Variants in DPP10 observed in about 807,000 individuals in gnomAD.
DPP10 encodes the protein dipeptidyl peptidase like 10.
Under a neutral mutation model 120.9 loss-of-function variants are expected in DPP10, and 33 were observed. The observed-to-expected ratio is 0.27, with a 90% CI of 0.21 to 0.37. DPP10 has a LOEUF of 0.37. Among genes scored for constraint, DPP10 ranks in the 10% least tolerant of loss-of-function variants. The pLI is 1.00. For missense variants in DPP10, 816 were observed against 942.8 expected, an observed-to-expected ratio of 0.87 and a Z score of 1.76; for synonymous variants, 337 against 326.1, an observed-to-expected ratio of 1.03 and a Z score of -0.36.
intron 1 of DPP10, among the ~76,000 whole-genome samples, chr2:115,208,060 C>G (rs1252221219): frequency 6.6e-6 from 1 of 152,026 alleles, no homozygotes; most frequent in African/African-American, 2.4e-5. Flanking sequence ...TAATCTAAGC[C>G]CATTGTCCAA....
intron 1 of DPP10, among the ~76,000 whole-genome samples, chr2:114,601,302 T>C (rs1692347718): frequency 6.6e-6 from 1 of 151,920 alleles, no homozygotes; most frequent in African/African-American, 2.4e-5. Context: ...TGAACAACCT[T>C]TGCTTTCTGA....
rs10469817 is a variant in DPP10 at position 114,980,227 on chromosome 2, T to G, written c.61-329012T>G. The stretch of plus-strand genomic sequence containing the variant: ...TGATTCCTCAATCAGACAGCCTATA[T>G]GTGAGGACAGTGATGTGAATATAAT... On this transcript the variant is annotated intron_variant, in intron 1 of 25. Coordinates refer to ENST00000410059, the MANE Select transcript of DPP10 (RefSeq NM_020868.6). Among the ~76,000 whole-genome samples, 908 of 152,268 alleles carry G rather than the reference T, an allele frequency of 6.0e-3. 11 individuals are homozygous for G. Among genetic ancestry groups the G allele is most frequent in the African/African-American group, 0.021 (860 of 41,564 alleles).
chr2:114,704,482 C>G (rs1161503758), intron 1 of DPP10, among the ~76,000 whole-genome samples: 1 of 152,162 alleles, frequency 6.6e-6, no homozygotes. Flanking sequence ...ATTTGATTGA[C>G]AGATGCAAGT....
At chr2:114,799,678 G>A (rs1168620810) in intron 1 of DPP10, among the ~76,000 whole-genome samples, 1 of 152,156 alleles carries the variant, frequency 6.6e-6, no homozygotes, top group Non-Finnish European at 1.5e-5. Context: ...ACTAGTTTTT[G>A]TTTTTACACA....
intron 1 of DPP10, among the ~76,000 whole-genome samples, chr2:115,176,097 C>G (rs573399664): frequency 1.2e-4 from 18 of 152,160 alleles, no homozygotes; most frequent in African/African-American, 4.1e-4. Context: ...CAGGCTGACA[C>G]TTGTCCTAGA....
intron 7 of DPP10, among the ~76,000 whole-genome samples, chr2:115,707,012 C>T (rs926748547): frequency 6.6e-6 from 1 of 151,918 alleles, no homozygotes; most frequent in Non-Finnish European, 1.5e-5. Flanking sequence ...TTTTATGTTA[C>T]ATTAATCAGC....
At chr2:114,442,932 C>A in intron 1 of DPP10, 94 bp downstream of exon 1, 1 of 1,458,634 alleles carries the variant, frequency 6.9e-7, no homozygotes, top group Non-Finnish European at 9.5e-7. Flanking sequence ...TGACAGTGGA[C>A]ATACCTACTT....
At chr2:115,755,090 C>A (rs1215577213) in intron 11 of DPP10, among the ~76,000 whole-genome samples, 4 of 152,008 alleles carry the variant, frequency 2.6e-5, no homozygotes, top group Non-Finnish European at 5.9e-5. Flanking sequence ...GTTTCTTTGT[C>A]CTCTTTTTCA....
chr2:115,744,704 G>A lies in DPP10; in HGVS notation c.853-1382G>A, dbSNP rs13382323. ...GATATCCAACAAAACATTTATTGAGGAACTCCTGCTGGCTACTGTTGGCAT... is the reference window on the plus strand; with the variant it reads ...GATATCCAACAAAACATTTATTGAGAAACTCCTGCTGGCTACTGTTGGCAT... On this transcript the variant is annotated intron_variant, in intron 9 of 25. Coordinates refer to ENST00000410059, the MANE Select transcript of DPP10 (RefSeq NM_020868.6). Among the ~76,000 whole-genome samples, 509 of 150,390 alleles carry A rather than the reference G, an allele frequency of 3.4e-3. 8 individuals are homozygous for A. Among genetic ancestry groups the A allele is most frequent in the African/African-American group, 0.011 (476 of 41,444 alleles).
At chr2:114,446,778 T>C (rs1677966262) in intron 1 of DPP10, among the ~76,000 whole-genome samples, 1 of 152,206 alleles carries the variant, frequency 6.6e-6, no homozygotes, top group African/African-American at 2.4e-5. Flanking sequence ...TGAGTCATTG[T>C]GCTAATAAAG....
At chr2:115,080,404 A>G (rs1559069606) in intron 1 of DPP10, among the ~76,000 whole-genome samples, 1 of 152,306 alleles carries the variant, frequency 6.6e-6, no homozygotes, top group East Asian at 1.9e-4. Context: ...CTTGGACACA[A>G]ACTAAAATGG....
At chr2:115,743,835 A>G (rs1477823197) in intron 9 of DPP10, among the ~76,000 whole-genome samples, 1 of 150,634 alleles carries the variant, frequency 6.6e-6, no homozygotes, top group African/African-American at 2.4e-5. Flanking sequence ...ATTTGGACTC[A>G]GGTTTCATGG....
chr2:114,565,392 T>A (rs1573668387), intron 1 of DPP10, among the ~76,000 whole-genome samples: 2 of 152,154 alleles, frequency 1.3e-5, no homozygotes, highest in South Asian at 2.1e-4. Context: ...GCCCACCTGA[T>A]CTGTTCTTTC....
At chr2:115,198,825 A>G (rs970805584) in intron 1 of DPP10, among the ~76,000 whole-genome samples, 1 of 152,202 alleles carries the variant, frequency 6.6e-6, no homozygotes, top group African/African-American at 2.4e-5. Flanking sequence ...TGTAGAATGA[A>G]GGAAAGCCTC....
chr2:114,958,340 G>A (rs530371572), intron 1 of DPP10, among the ~76,000 whole-genome samples: 1 of 152,222 alleles, frequency 6.6e-6, no homozygotes, highest in Admixed American at 6.5e-5. Context: ...TATTAAGTTA[G>A]GTCATGGTTC....
rs2053724 is a variant in DPP10 at position 115,753,241 on chromosome 2, G to C, written c.1018G>C (p.Ala340Pro). The change falls in exon 11 of 26, where the codon GCT becomes CCT. Residue 340 changes from alanine (A) to proline (P), a missense_variant. Transcript: ENST00000410059. ...GACTGTGGTAAGATGGTTAAACCGA[G>C]CTCAGAACATCTCCATCCTCACAGT... ...TKTVVRWLNRAQNISILTVCE... is the reference protein window; with the variant it reads ...TKTVVRWLNRPQNISILTVCE... The C allele has an allele frequency of 0.6, 969,952 of 1,610,034 alleles. 301,141 individuals are homozygous for C. The highest frequency in any genetic ancestry group is 0.73 in the Admixed American group (43,759 of 59,836).
chr2:115,528,454 A>T (rs1415010789), intron 5 of DPP10, among the ~76,000 whole-genome samples: 1 of 151,894 alleles, frequency 6.6e-6, no homozygotes, highest in African/African-American at 2.4e-5. Flanking sequence ...ATTAAAAAAA[A>T]AACTAAGCAT....
chr2:114,613,224 G>A (rs1323217851), intron 1 of DPP10, among the ~76,000 whole-genome samples: 2 of 152,158 alleles, frequency 1.3e-5, no homozygotes, highest in African/African-American at 4.8e-5. Context: ...GCATATTTAT[G>A]TGACAATGAA....
intron 21 of DPP10, among the ~76,000 whole-genome samples, chr2:115,825,775 T>C (rs1688249501): frequency 6.6e-6 from 1 of 152,226 alleles, no homozygotes; most frequent in South Asian, 2.1e-4. Flanking sequence ...GTTGAAATGT[T>C]TGGCTATGCC....
Sources: allele counts gnomAD v4.1 joint callset (sites outside exome capture counted in the v4.1 genomes callset), GRCh38; gene constraint gnomAD v4.1.1; transcripts MANE v1.5; gene names NCBI Gene and HGNC (gene_info 2026-07-23, HGNC 2026-07-21).